PPP1R16B: variants seen among roughly 807,000 people sequenced by gnomAD.
The protein encoded by PPP1R16B is protein phosphatase 1 regulatory inhibitor subunit 16B.
A neutral mutation model predicts 61.7 loss-of-function variants in PPP1R16B; 14 were observed. That is an observed-to-expected ratio of 0.23 (90% CI 0.15 to 0.35). PPP1R16B has a LOEUF of 0.35. PPP1R16B is among the 10% of genes least tolerant of loss of function. The probability of loss-of-function intolerance (pLI) is 1.00; values close to 1 mark genes in which losing one functional copy is unlikely to be tolerated. For synonymous variants in PPP1R16B, 266 were observed against 305.3 expected (o/e 0.87, Z 1.34); for missense variants, 547 against 752.5 (o/e 0.73, Z 3.19).
At chr20:38,846,513 T>A (rs1240650753) in intron 2 of PPP1R16B, among the ~76,000 whole-genome samples, 2 of 152,230 alleles carry the variant, frequency 1.3e-5, no homozygotes, top group Non-Finnish European at 2.9e-5. Flanking sequence ...GTCAGCTCAG[T>A]CAAATGCTGT....
intron 4 of PPP1R16B, among the ~76,000 whole-genome samples, chr20:38,899,797 CT>C (rs144492616): frequency 4.0e-3 from 573 of 144,698 alleles, no homozygotes; most frequent in Non-Finnish European, 4.3e-3. Context: ...CTGTCTGAGT[CT>C]TTTTTTTTTT....
At chr20:38,827,190 T>G (rs1337825760) in intron 1 of PPP1R16B, among the ~76,000 whole-genome samples, 1 of 152,138 alleles carries the variant, frequency 6.6e-6, no homozygotes, top group African/African-American at 2.4e-5. Context: ...CATATTACCA[T>G]GCCTAAGCCT....
chr20:38,855,413 G>A (rs145128714), intron 2 of PPP1R16B, among the ~76,000 whole-genome samples: 1 of 151,584 alleles, frequency 6.6e-6, no homozygotes, highest in African/African-American at 2.4e-5. Flanking sequence ...AAGTTACTTG[G>A]CAGCTAACAT....
Position 38,905,999 on chromosome 20 carries a change from C to A in PPP1R16B, c.727C>A (p.Arg243=), listed in dbSNP as rs55658640. ...LHIAGANGYL[R]AAELLLDHGV... ...CATAGCTGGAGCCAATGGATACCTG[C>A]GGGCAGCTGAGCTCCTCCTGGACCA... Residue 243 remains arginine, a synonymous_variant, in exon 7 of 11, where the codon CGG becomes AGG. Transcript: ENST00000299824. The A allele has an allele frequency of 3.2e-3, 5,238 of 1,613,424 alleles. 18 individuals carry two copies. Among genetic ancestry groups the A allele is most frequent in the Non-Finnish European group, 3.9e-3 (4,654 of 1,179,744 alleles).
intron 1 of PPP1R16B, among the ~76,000 whole-genome samples, chr20:38,809,984 C>CG (rs1382254348): frequency 1.5e-3 from 33 of 22,616 alleles, no homozygotes; most frequent in East Asian, 6.6e-3. Flanking sequence ...GACCTTGTTT[C>CG]GAAAAAAAAA....
At chr20:38,811,084 GTC>G (rs1467547013) in intron 1 of PPP1R16B, among the ~76,000 whole-genome samples, 2 of 152,138 alleles carry the variant, frequency 1.3e-5, no homozygotes, top group East Asian at 3.8e-4. Context: ...GTTCTTGGAT[GTC>G]TCAGAATCTA....
At chr20:38,903,791 TC>T (rs2085417925) in intron 6 of PPP1R16B, among the ~76,000 whole-genome samples, 1 of 152,206 alleles carries the variant, frequency 6.6e-6, no homozygotes, top group African/African-American at 2.4e-5. Flanking sequence ...TAGGAAAACC[TC>T]CCTGGCCACT....
At chr20:38,826,582 C>T (rs1379256253) in intron 1 of PPP1R16B, among the ~76,000 whole-genome samples, 3 of 152,214 alleles carry the variant, frequency 2.0e-5, no homozygotes, top group African/African-American at 7.2e-5. Context: ...CCTGAGAGAG[C>T]GGCTTCACCC....
chr20:38,826,111 A>G (rs1414374549), intron 1 of PPP1R16B, among the ~76,000 whole-genome samples: 1 of 152,146 alleles, frequency 6.6e-6, no homozygotes, highest in Non-Finnish European at 1.5e-5. Flanking sequence ...CCCCAATTTA[A>G]TAACTGTGTA....
At chr20:38,917,712 T>C (rs1204241969) in intron 10 of PPP1R16B, among the ~76,000 whole-genome samples, 3 of 152,176 alleles carry the variant, frequency 2.0e-5, no homozygotes, top group South Asian at 4.1e-4. Context: ...GGATGCAGTC[T>C]CTCTTAGCCT....
At chr20:38,899,867 G>A (rs2085377948) in intron 4 of PPP1R16B, among the ~76,000 whole-genome samples, 1 of 151,746 alleles carries the variant, frequency 6.6e-6, no homozygotes, top group South Asian at 2.1e-4. Flanking sequence ...CGTGATCTTG[G>A]CTCACTGCAA....
intron 10 of PPP1R16B, among the ~76,000 whole-genome samples, chr20:38,910,041 G>A (rs942552567): frequency 5.9e-5 from 9 of 152,100 alleles, no homozygotes; most frequent in Admixed American, 5.2e-4. Context: ...GTGCAGTGGT[G>A]TGATTTCAGC....
chr20:38,855,713 G>A (rs1342869759), intron 2 of PPP1R16B, among the ~76,000 whole-genome samples: 1 of 151,640 alleles, frequency 6.6e-6, no homozygotes, highest in Admixed American at 6.6e-5. Flanking sequence ...CAGGAGAGCT[G>A]CAACAGGGCC....
intron 1 of PPP1R16B, among the ~76,000 whole-genome samples, chr20:38,830,251 C>T (rs1331511551): frequency 6.6e-6 from 1 of 152,236 alleles, no homozygotes; most frequent in Non-Finnish European, 1.5e-5. Flanking sequence ...CCTGCTGCCT[C>T]TCTAGCCCTG....
At chr20:38,827,501 G>C (rs1033218821) in intron 1 of PPP1R16B, among the ~76,000 whole-genome samples, 2 of 152,204 alleles carry the variant, frequency 1.3e-5, no homozygotes, top group African/African-American at 4.8e-5. Context: ...GGCTTCAGGG[G>C]ACAGTGACAA....
intron 4 of PPP1R16B, 66 bp from the exon 5 acceptor site, chr20:38,900,515 G>GGCAGAGGCA: frequency 7.7e-7 from 1 of 1,295,328 alleles, no homozygotes; most frequent in Non-Finnish European, 1.1e-6. Context: ...GAGGCCAGAG[G>GGCAGAGGCA]GCAGAGGCAG....
intron 2 of PPP1R16B, among the ~76,000 whole-genome samples, chr20:38,866,990 G>A (rs2085094833): frequency 1.3e-5 from 2 of 152,118 alleles, no homozygotes; most frequent in Admixed American, 1.3e-4. Flanking sequence ...ATCTGTTCTG[G>A]ATATTTCATA....
intron 1 of PPP1R16B, among the ~76,000 whole-genome samples, chr20:38,827,243 T>C (rs1241162721): frequency 6.6e-6 from 1 of 152,258 alleles, no homozygotes; most frequent in African/African-American, 2.4e-5. Context: ...GATCCTTTTT[T>C]GTTGCCTTTT....
rs961945350 is a variant in PPP1R16B, at chr20:38,921,065, C to G, written c.*2399C>G. 2.6e-5 allele frequency: 4 copies of G among 152,240 alleles called. No individual in the cohort carries two copies. The highest frequency in any genetic ancestry group is 9.6e-5 in the African/African-American group (4 of 41,466). 9.4% of individuals were successfully genotyped at this position (152,240 alleles called of 1,614,324 possible). On this transcript the variant is annotated 3_prime_UTR_variant, in exon 11 of 11. Coordinates refer to ENST00000299824, the MANE Select transcript of PPP1R16B (RefSeq NM_015568.4). The stretch of plus-strand genomic sequence containing the variant: ...GCGCCTGAGGCCATTCCCTCCTTTT[C>G]CGCATGCCTCCTGCCTCCTGGGCTA...
Sources: allele counts gnomAD v4.1 joint callset (sites outside exome capture counted in the v4.1 genomes callset), GRCh38; gene constraint gnomAD v4.1.1; transcripts MANE v1.5; gene names NCBI Gene and HGNC (gene_info 2026-07-23, HGNC 2026-07-21).